Variants in ATP1B2 observed in about 807,000 individuals in gnomAD.
ATP1B2 encodes ATPase Na+/K+ transporting subunit beta 2, also known as sodium/potassium-transporting ATPase subunit beta-2.
In ATP1B2, 12 loss-of-function variants were observed where a neutral mutation model predicts 37.3. That is an observed-to-expected ratio of 0.32 (90% CI 0.21 to 0.52). The LOEUF is 0.52. ATP1B2 is among the 20% of genes least tolerant of loss of function. The probability of loss-of-function intolerance (pLI) is 0.96; values close to 1 mark genes in which losing one functional copy is unlikely to be tolerated. For missense variants in ATP1B2, 324 were observed against 391.6 expected (o/e 0.83, Z 1.46); for synonymous variants, 139 against 140.5 (o/e 0.99, Z 0.07).
rs2072650258 is a variant in ATP1B2, at chr17:7,656,137, T to A, written c.*242T>A. ...AGTCAGACAGGGAGCTGGGCTAAGA[T>A]GGCCACGGAGGAGTTAGGAGCCTTT... On this transcript the variant is annotated 3_prime_UTR_variant, in exon 7 of 7. Transcript: ENST00000250111. 1.7e-6 allele frequency: 1 copy of A among 574,422 alleles called. No individual in the cohort carries two copies. Among genetic ancestry groups the A allele is most frequent in the African/African-American group, 1.9e-5 (1 of 53,342 alleles). 35.6% of individuals were successfully genotyped at this position (574,422 alleles called of 1,614,324 possible). A position where few individuals can be genotyped will look rare whatever the true frequency, so the allele number is the denominator to read the frequency against.
At chr17:7,650,831 C>T (rs1373935546), upstream of ATP1B2, among the ~76,000 whole-genome samples, 1 of 149,832 alleles carries the variant, frequency 6.7e-6, no homozygotes, top group Non-Finnish European at 1.5e-5. Flanking sequence ...TCGCCTGGGC[C>T]AGTGGCGAGG....
upstream of ATP1B2, among the ~76,000 whole-genome samples, chr17:7,649,033 CCATT>C (rs150588896): frequency 0.025 from 3,807 of 152,174 alleles, 156 homozygotes; most frequent in African/African-American, 0.085. Context: ...GCCCCAACTC[CCATT>C]CATTCATTCA....
chr17:7,654,710 T>TGCTCACCTGAGTG lies in ATP1B2; in HGVS notation c.609+40_609+52dup, dbSNP rs750059899. The TGCTCACCTGAGTG allele has an allele frequency of 2.2e-5, 35 of 1,612,098 alleles. No individual in the cohort carries two copies. The highest frequency in any genetic ancestry group is 1.6e-4 in the Middle Eastern group (1 of 6,078). On this transcript the variant is annotated intron_variant, in intron 5 of 6. Coordinates refer to ENST00000250111, the MANE Select transcript of ATP1B2 (RefSeq NM_001678.5). The surrounding 1 kb of genome is among the most constrained non-coding windows in gnomAD (Gnocchi z 4.9). ...GTGAGTTCGTTGGGCCTTGTCTGCCTGCTCACCTGAGTGGCTCACCTGAGT... is the reference window on the plus strand; with the variant it reads ...GTGAGTTCGTTGGGCCTTGTCTGCCTGCTCACCTGAGTGGCTCACCTGAGTGGCTCACCTGAGT...
At position 7,655,828 on chromosome 17, in the gene ATP1B2, C is replaced by T. The variant is rs199505611; in HGVS notation, c.806C>T (p.Ala269Val). The T allele has an allele frequency of 1.9e-5, 30 of 1,614,118 alleles. No individual in the cohort carries two copies. The highest frequency in any genetic ancestry group is 2.4e-5 in the Non-Finnish European group (28 of 1,180,028). Residue 269 changes from alanine (A) to valine (V), a missense_variant, in exon 7 of 7, where the codon GCC becomes GTC. By Grantham distance (64) the Ala-to-Val change is moderately conservative (BLOSUM62 0). Transcript: ENST00000250111. This position sits in a 1 kb window ranked among gnomAD's most constrained non-coding sequence, Gnocchi z 4.4. ...TGTCGCATCAACGCCGCCAACATCG[C>T]CACAGACGATGAGCGAGACAAGTTC... ...VECRINAANIATDDERDKFAG... is the reference protein window; with the variant it reads ...VECRINAANIVTDDERDKFAG...
At chr17:7,649,529 A>C (rs1445451024), upstream of ATP1B2, among the ~76,000 whole-genome samples, 3 of 150,842 alleles carry the variant, frequency 2.0e-5, no homozygotes, top group African/African-American at 7.3e-5. Flanking sequence ...CTGGGACTAC[A>C]GGCACCCACC....
In ATP1B2 at chr17:7,654,844, T is replaced by C. The variant is rs1240276428; in HGVS notation, c.609+160T>C. On this transcript the variant is annotated intron_variant, in intron 5 of 6. Coordinates refer to ENST00000250111, the MANE Select transcript of ATP1B2 (RefSeq NM_001678.5). This position sits in a 1 kb window ranked among gnomAD's most constrained non-coding sequence, Gnocchi z 4.9. ...GTAAGAGTGGGCTTTTGGGCTCCAC[T>C]GTAGCTTGAACTCCGAGGGCCCCGC... is the stretch of plus-strand genomic sequence containing the variant. The C allele has an allele frequency of 3.9e-6, 3 of 769,758 alleles. No homozygotes were observed. In the Admixed American group the frequency reaches 7.3e-5, roughly 19 times the overall value. 47.7% of individuals were successfully genotyped at this position (769,758 alleles called of 1,614,324 possible). A position where few individuals can be genotyped will look rare whatever the true frequency, so the allele number is the denominator to read the frequency against.
rs574876886 is a variant in ATP1B2, at chr17:7,654,635, A to G, written c.560A>G (p.Asn187Ser). The change falls in exon 5 of 7, where the codon AAC becomes AGC. Residue 187 changes from asparagine (N) to serine (S), a missense_variant. By Grantham distance (46) the Asn-to-Ser change is conservative. Transcript: ENST00000250111. This position sits in a 1 kb window ranked among gnomAD's most constrained non-coding sequence, Gnocchi z 4.9. Reference sequence around the variant, plus strand: ...CTTCCACCCTCACTCCAGGTCATCAACTTCTATGCAGGAGCAAACCAGAGC... The same window carrying G: ...CTTCCACCCTCACTCCAGGTCATCAGCTTCTATGCAGGAGCAAACCAGAGC... The part of the protein sequence containing the change: ...CVFIKMNRVI[N>S]FYAGANQSMN... The G allele has an allele frequency of 2.7e-5, 43 of 1,614,036 alleles. No individual in the cohort carries two copies. The highest frequency in any genetic ancestry group is 4.5e-5 in the East Asian group (2 of 44,878).
At chr17:7,649,233 A>G (rs1273059623), upstream of ATP1B2, among the ~76,000 whole-genome samples, 1 of 143,716 alleles carries the variant, frequency 7.0e-6, no homozygotes, top group Non-Finnish European at 1.5e-5. Flanking sequence ...TTTTAGTTTT[A>G]GTAGAGACGC....
Position 7,655,982 on chromosome 17 carries a change from AG to A in ATP1B2, c.*89del. ...CTGATCCCTCCCTCACCCACCCCAA[AG>A]GTATTTTTGATAACAGAGCTATGAC... On this transcript the variant is annotated 3_prime_UTR_variant, in exon 7 of 7. Coordinates refer to ENST00000250111, the MANE Select transcript of ATP1B2 (RefSeq NM_001678.5). The surrounding 1 kb of genome is among the most constrained non-coding windows in gnomAD (Gnocchi z 4.4). 1 of 1,529,104 alleles carries A rather than the reference AG, an allele frequency of 6.5e-7. No homozygotes were observed. Among genetic ancestry groups the A allele is most frequent in the Non-Finnish European group, 8.9e-7 (1 of 1,124,346 alleles). The allele number at this position is 1,529,104 out of a possible 1,614,324, so 94.7% of individuals were successfully genotyped here.
At chr17:7,647,794 G>A (rs1455478897), upstream of ATP1B2, among the ~76,000 whole-genome samples, 1 of 151,398 alleles carries the variant, frequency 6.6e-6, no homozygotes, top group Non-Finnish European at 1.5e-5. Flanking sequence ...ACTCCAGCCT[G>A]GGCGACAGAG....
intron 1 of ATP1B2, among the ~76,000 whole-genome samples, chr17:7,652,612 C>T (rs1472351925): frequency 1.3e-5 from 2 of 152,146 alleles, no homozygotes; most frequent in Non-Finnish European, 2.9e-5. Context: ...TTGGGAGAGC[C>T]AGAGGACTTC....
In ATP1B2 at chr17:7,654,383, G is replaced by C. The variant is rs1228810828; in HGVS notation, c.552+126G>C. ...GACTTGGATGTTTGTGTAGCTGAGA[G>C]AAAAAGAGAGGTGGGACTCTTGGAG... On this transcript the variant is annotated intron_variant, in intron 4 of 6. Coordinates refer to ENST00000250111, the MANE Select transcript of ATP1B2 (RefSeq NM_001678.5). This position sits in a 1 kb window ranked among gnomAD's most constrained non-coding sequence, Gnocchi z 4.9. 1.6e-6 allele frequency: 2 copies of C among 1,220,878 alleles called. No homozygotes were observed. Among genetic ancestry groups the C allele is most frequent in the Non-Finnish European group, 2.3e-6 (2 of 861,244 alleles). The allele number at this position is 1,220,878 out of a possible 1,614,324, so 75.6% of individuals were successfully genotyped here.
Position 7,651,514 on chromosome 17 carries a change from C to A in ATP1B2, c.-5C>A. On this transcript the variant is annotated 5_prime_UTR_variant, in exon 1 of 7. Transcript: ENST00000250111. ...CCGCGCCCGGACTCGCCCCGCGCCA[C>A]CAAGATGGTCATCCAGAAAGAGAAG... is the stretch of plus-strand genomic sequence containing the variant. 1 of 1,587,334 alleles carries A rather than the reference C, an allele frequency of 6.3e-7. No homozygotes were observed. Among genetic ancestry groups the A allele is most frequent in the Non-Finnish European group, 8.6e-7 (1 of 1,167,536 alleles).
At position 7,654,509 on chromosome 17, in the gene ATP1B2, A is replaced by G. The variant is rs1204737542; in HGVS notation, c.553-119A>G. ...GGCCTTGAACTCCTGGAATTAAGCT[A>G]TCCTCCCGCCTCAACCTCCCTAGTA... is the stretch of plus-strand genomic sequence containing the variant. On this transcript the variant is annotated intron_variant, in intron 4 of 6. Coordinates refer to ENST00000250111, the MANE Select transcript of ATP1B2 (RefSeq NM_001678.5). This position sits in a 1 kb window ranked among gnomAD's most constrained non-coding sequence, Gnocchi z 4.9. 2 of 1,172,462 alleles carry G rather than the reference A, an allele frequency of 1.7e-6. No individual in the cohort carries two copies. Among genetic ancestry groups the G allele is most frequent in the African/African-American group, 1.5e-5 (1 of 65,978 alleles). 72.6% of individuals were successfully genotyped at this position (1,172,462 alleles called of 1,614,324 possible).
chr17:7,653,529 C>T, intron 2 of ATP1B2, 27 bp downstream of exon 2: 2 of 1,612,700 alleles, frequency 1.2e-6, no homozygotes, highest in Non-Finnish European at 1.7e-6. Flanking sequence ...CCCCTGCCAG[C>T]TACTCTAACT....
chr17:7,654,022 CCCCTGAGTCTCT>C lies in ATP1B2; in HGVS notation c.347-25_347-14del. 6.2e-7 allele frequency: 1 copy of C among 1,613,166 alleles called. No individual in the cohort carries two copies. Among genetic ancestry groups the C allele is most frequent in the Non-Finnish European group, 8.5e-7 (1 of 1,179,128 alleles). On this transcript the variant is annotated intron_variant, in intron 3 of 6. Coordinates refer to ENST00000250111, the MANE Select transcript of ATP1B2 (RefSeq NM_001678.5). This position sits in a 1 kb window ranked among gnomAD's most constrained non-coding sequence, Gnocchi z 4.9. ...GGGACCTTGGAAGTGGAACATCTGG[CCCCTGAGTCTCT>C]CCCTCCCACCTCTTTAGCTTACAAC...
In ATP1B2 at chr17:7,653,950, G is replaced by A. The variant is rs2072631611; in HGVS notation, c.346+5G>A. The A allele has an allele frequency of 1.2e-6, 2 of 1,614,060 alleles. No homozygotes were observed. Among genetic ancestry groups the A allele is most frequent in the Admixed American group, 1.7e-5 (1 of 60,000 alleles). On this transcript the variant is annotated splice_donor_5th_base_variant and intron_variant, in intron 3 of 6. Transcript: ENST00000250111. ...AGCTCAACAAGTTCTTGGAGCGTGA[G>A]TGTGGGCCTGGTTATGTGTCAGTTC...
chr17:7,654,030 T>G lies in ATP1B2; in HGVS notation c.347-22T>G, dbSNP rs776415142. On this transcript the variant is annotated intron_variant, in intron 3 of 6. Transcript: ENST00000250111. This position sits in a 1 kb window ranked among gnomAD's most constrained non-coding sequence, Gnocchi z 4.9. ...GGAAGTGGAACATCTGGCCCCTGAG[T>G]CTCTCCCTCCCACCTCTTTAGCTTA... 6.2e-7 allele frequency: 1 copy of G among 1,613,346 alleles called. No homozygotes were observed. The highest frequency in any genetic ancestry group is 1.1e-5 in the South Asian group (1 of 91,054).
chr17:7,650,716 T>C (rs931863816), upstream of ATP1B2, among the ~76,000 whole-genome samples: 6 of 151,962 alleles, frequency 3.9e-5, no homozygotes, highest in Non-Finnish European at 5.9e-5. Flanking sequence ...CCTCCCACCC[T>C]GTCCCAGTCT....
Sources: allele counts gnomAD v4.1 joint callset (sites outside exome capture counted in the v4.1 genomes callset), GRCh38; gene constraint gnomAD v4.1.1; non-coding constraint Gnocchi (gnomAD v3.1); transcripts MANE v1.5; gene names NCBI Gene and HGNC (gene_info 2026-07-23, HGNC 2026-07-21).